Variants in PRKN observed in about 807,000 individuals in gnomAD.
PRKN encodes parkin RBR E3 ubiquitin protein ligase, also known as E3 ubiquitin-protein ligase parkin.
PRKN carries 56 observed loss-of-function variants against 59.5 expected under a neutral mutation model. The observed-to-expected ratio is 0.94, with a 90% CI of 0.76 to 1.18. The LOEUF is 1.18. Ranked by LOEUF, PRKN falls within the 50% of genes most tolerant of loss-of-function variation. The pLI is 0.00. For missense variants in PRKN, 657 were observed against 596.4 expected, an observed-to-expected ratio of 1.10 and a Z score of -1.06; for synonymous variants, 250 against 222.1, an observed-to-expected ratio of 1.13 and a Z score of -1.12.
intron 1 of PRKN, among the ~76,000 whole-genome samples, chr6:162,469,377 A>AT (rs1356259016): frequency 2.0e-5 from 3 of 150,560 alleles, no homozygotes; most frequent in Non-Finnish European, 4.4e-5. Context: ...AGAGGAAGTC[A>AT]TTCTACAAAA....
intron 1 of PRKN, among the ~76,000 whole-genome samples, chr6:162,672,197 T>A (rs1331786221): frequency 2.0e-5 from 3 of 152,222 alleles, no homozygotes; most frequent in Non-Finnish European, 2.9e-5. Context: ...AAAGATGTTG[T>A]CTTATTGGTC....
At chr6:162,575,375 C>T (rs1450483153) in intron 1 of PRKN, among the ~76,000 whole-genome samples, 1 of 152,164 alleles carries the variant, frequency 6.6e-6, no homozygotes, top group African/African-American at 2.4e-5. Context: ...CAGGTGACCC[C>T]TCTGATGATT....
chr6:162,372,488 C>T (rs1455910292), intron 2 of PRKN, among the ~76,000 whole-genome samples: 2 of 152,106 alleles, frequency 1.3e-5, no homozygotes, highest in African/African-American at 2.4e-5. Flanking sequence ...AGAAAAATAA[C>T]TTCCGAGAGG....
chr6:162,652,829 GAACT>G (rs2128226843), intron 1 of PRKN, among the ~76,000 whole-genome samples: 1 of 152,068 alleles, frequency 6.6e-6, no homozygotes, highest in African/African-American at 2.4e-5. Context: ...AAAGAATTGA[GAACT>G]AACCCCCCGA....
intron 6 of PRKN, among the ~76,000 whole-genome samples, chr6:161,816,340 CAGG>C (rs1263025724): frequency 6.6e-6 from 1 of 151,718 alleles, no homozygotes; most frequent in African/African-American, 2.4e-5. Context: ...CAGTGGTCTC[CAGG>C]AGATGAGAAG....
intron 6 of PRKN, among the ~76,000 whole-genome samples, chr6:161,788,441 G>A (rs1232461238): frequency 6.6e-6 from 1 of 152,150 alleles, no homozygotes; most frequent in African/African-American, 2.4e-5. Flanking sequence ...GTGAAGCATA[G>A]ACAGCTGCAG....
chr6:162,546,064 T>A (rs6930532), intron 1 of PRKN, among the ~76,000 whole-genome samples: 1 of 150,728 alleles, frequency 6.6e-6, no homozygotes, highest in African/African-American at 2.5e-5. Context: ...AAGTTAAATT[T>A]GAGCCAAAAG....
intron 6 of PRKN, among the ~76,000 whole-genome samples, chr6:161,948,705 C>T (rs1779872665): frequency 6.6e-6 from 1 of 152,092 alleles, no homozygotes; most frequent in South Asian, 2.1e-4. Context: ...CCTTGAGATA[C>T]AGAAAGATTT....
At chr6:162,411,548 ATAT>A (rs768022808) in intron 2 of PRKN, among the ~76,000 whole-genome samples, 36 of 152,218 alleles carry the variant, frequency 2.4e-4, no homozygotes, top group Non-Finnish European at 4.7e-4. Flanking sequence ...CAAAAACATA[ATAT>A]TATTATTTAA....
intron 5 of PRKN, among the ~76,000 whole-genome samples, chr6:162,012,030 C>T (rs571463099): frequency 3.9e-5 from 6 of 152,126 alleles, no homozygotes; most frequent in East Asian, 1.9e-4. Flanking sequence ...AATAATGACA[C>T]GCAAAATGCT....
In PRKN at chr6:161,592,756, A is replaced by C. The variant is rs1344080777; in HGVS notation, c.872-23340T>G. ...CCAAGGGACAGCCAGGACCAGCACT[A>C]GGAGGACGAGGGAACACAAGCAGAG... On this transcript the variant is annotated intron_variant, in intron 7 of 11. Coordinates refer to ENST00000366898, the MANE Select transcript of PRKN (RefSeq NM_004562.3). The surrounding 1 kb of genome is among the most constrained non-coding windows in gnomAD (Gnocchi z 4.8). 1.3e-5 allele frequency among the ~76,000 whole-genome samples: 2 copies of C among 152,118 alleles called. No individual in the cohort carries two copies. The highest frequency in any genetic ancestry group is 3.9e-4 in the East Asian group (2 of 5,162).
At chr6:161,828,394 C>G (rs1047018819) in intron 6 of PRKN, among the ~76,000 whole-genome samples, 38 of 152,282 alleles carry the variant, frequency 2.5e-4, no homozygotes, top group African/African-American at 9.1e-4. Flanking sequence ...ATTACAAATA[C>G]GACTCTGTGG....
chr6:161,828,144 A>G (rs1010986554), intron 6 of PRKN, among the ~76,000 whole-genome samples: 4 of 152,218 alleles, frequency 2.6e-5, no homozygotes, highest in African/African-American at 4.8e-5. Flanking sequence ...TATTTACCAC[A>G]CAACTTGTGA....
At chr6:161,697,072 C>A (rs1489625654) in intron 7 of PRKN, among the ~76,000 whole-genome samples, 2 of 152,204 alleles carry the variant, frequency 1.3e-5, no homozygotes, top group African/African-American at 2.4e-5. Context: ...TTAAACTACA[C>A]AAACTTTTCA....
chr6:161,981,742 T>C (rs559716654), intron 5 of PRKN, among the ~76,000 whole-genome samples: 1 of 152,342 alleles, frequency 6.6e-6, no homozygotes, highest in Admixed American at 6.5e-5. Context: ...AAAGTAACTA[T>C]GCAAACTGGA....
At chr6:162,656,621 A>G (rs1267907564) in intron 1 of PRKN, among the ~76,000 whole-genome samples, 2 of 152,128 alleles carry the variant, frequency 1.3e-5, no homozygotes, top group African/African-American at 2.4e-5. Flanking sequence ...ACCTCCTACC[A>G]TTCTTTCCTG....
chr6:161,920,045 G>C (rs935755417), intron 6 of PRKN, among the ~76,000 whole-genome samples: 3 of 152,172 alleles, frequency 2.0e-5, no homozygotes, highest in Non-Finnish European at 4.4e-5. Context: ...TTTGCTGCTG[G>C]GTTAAAAACC....
chr6:161,622,232 C>A lies in PRKN; in HGVS notation c.872-52816G>T, dbSNP rs1184540161. Among the ~76,000 whole-genome samples, 4 of 152,160 alleles carry A rather than the reference C, an allele frequency of 2.6e-5. No individual in the cohort carries two copies. In the East Asian group the frequency reaches 7.7e-4, roughly 29 times the overall value. On this transcript the variant is annotated intron_variant, in intron 7 of 11. Coordinates refer to ENST00000366898, the MANE Select transcript of PRKN (RefSeq NM_004562.3). ...CACCACCTGCTCTGGCTGCTAACTTCTTTGAAAAGGGAAAGTTCTCTCTTT... is the reference window on the plus strand; with the variant it reads ...CACCACCTGCTCTGGCTGCTAACTTATTTGAAAAGGGAAAGTTCTCTCTTT...
chr6:162,662,872 T>C (rs1020135766), intron 1 of PRKN, among the ~76,000 whole-genome samples: 1 of 152,130 alleles, frequency 6.6e-6, no homozygotes, highest in Non-Finnish European at 1.5e-5. Context: ...GAGGTAGGAA[T>C]GATTCTGTTG....
Sources: allele counts gnomAD v4.1 joint callset (sites outside exome capture counted in the v4.1 genomes callset), GRCh38; gene constraint gnomAD v4.1.1; non-coding constraint Gnocchi (gnomAD v3.1); transcripts MANE v1.5; gene names NCBI Gene and HGNC (gene_info 2026-07-23, HGNC 2026-07-21).